Variants in DLGAP1 observed in about 807,000 individuals in gnomAD.
The protein encoded by DLGAP1 is disks large-associated protein 1.
A neutral mutation model predicts 90.8 loss-of-function variants in DLGAP1; 11 were observed. The observed-to-expected ratio is 0.12, with a 90% CI of 0.08 to 0.20. DLGAP1 has a LOEUF of 0.20. Ranked by LOEUF, DLGAP1 falls within the 10% of genes least tolerant of loss-of-function variation. The probability of loss-of-function intolerance (pLI) is 1.00; values close to 1 mark genes in which losing one functional copy is unlikely to be tolerated. For synonymous variants in DLGAP1, 558 were observed against 540.7 expected (o/e 1.03, Z -0.44); for missense variants, 1,050 against 1,333.8 (o/e 0.79, Z 3.31).
intron 1 of DLGAP1, among the ~76,000 whole-genome samples, chr18:4,333,435 C>T (rs997583476): frequency 6.6e-6 from 1 of 151,272 alleles, no homozygotes. Context: ...TCTCAGTGGC[C>T]AAAGCAACCC....
At chr18:4,067,159 A>G (rs1368489477) in intron 2 of DLGAP1, among the ~76,000 whole-genome samples, 1 of 151,862 alleles carries the variant, frequency 6.6e-6, no homozygotes, top group Non-Finnish European at 1.5e-5. Context: ...GGAACAACAG[A>G]CACTGGGCCT....
intron 1 of DLGAP1, among the ~76,000 whole-genome samples, chr18:4,382,089 T>C (rs116199912): frequency 0.017 from 2,655 of 152,120 alleles, 65 homozygotes; most frequent in African/African-American, 0.06. Flanking sequence ...TCCCACAACA[T>C]GTGGGAATTA....
chr18:3,888,107 CAAAAAAAAA>C (rs1164887393), intron 3 of DLGAP1, among the ~76,000 whole-genome samples: 936 of 49,378 alleles, frequency 0.019, 11 homozygotes, highest in Middle Eastern at 0.12. Context: ...GACTCCATCT[CAAAAAAAAA>C]AAAAAAAAAA....
intron 7 of DLGAP1, chr18:3,679,745 A>G (rs1169339809): frequency 6.6e-6 from 1 of 151,848 alleles, no homozygotes; most frequent in Non-Finnish European, 1.5e-5. Context: ...TTGAGACCAG[A>G]CTGGGCAATG....
At chr18:3,655,862 T>C (rs760606650) in intron 7 of DLGAP1, 33 of 473,468 alleles carry the variant, frequency 7.0e-5, no homozygotes, top group Non-Finnish European at 1.2e-4. Flanking sequence ...GAAACAGACA[T>C]GTTGGTGCTG....
intron 3 of DLGAP1, among the ~76,000 whole-genome samples, chr18:3,965,757 G>A (rs1401457864): frequency 6.6e-6 from 1 of 151,926 alleles, no homozygotes; most frequent in African/African-American, 2.4e-5. Context: ...AGACAAGCCT[G>A]GCTAACATGG....
chr18:3,907,351 G>A lies in DLGAP1; in HGVS notation c.-72-27211C>T, dbSNP rs373276097. On this transcript the variant is annotated intron_variant, in intron 3 of 12. Coordinates refer to ENST00000315677, the MANE Select transcript of DLGAP1 (RefSeq NM_004746.4). The stretch of plus-strand genomic sequence containing the variant: ...CTTGAACCTCAGTTTATAAAACAAC[G>A]TATAAATAATGACTGGTGCTACCAG... 8.5e-5 allele frequency among the ~76,000 whole-genome samples: 13 copies of A among 152,232 alleles called. No individual in the cohort carries two copies. In the East Asian group the frequency reaches 1.5e-3, roughly 18 times the overall value.
chr18:4,205,142 G>T (rs1007546558), intron 1 of DLGAP1, among the ~76,000 whole-genome samples: 3 of 152,156 alleles, frequency 2.0e-5, no homozygotes, highest in African/African-American at 7.2e-5. Flanking sequence ...GCCTGAGGAG[G>T]TAATAGGAAG....
At chr18:4,225,524 GCTT>G (rs1171780759) in intron 1 of DLGAP1, among the ~76,000 whole-genome samples, 1 of 152,006 alleles carries the variant, frequency 6.6e-6, no homozygotes, top group African/African-American at 2.4e-5. Flanking sequence ...ATTTAAAATA[GCTT>G]TTTTGAGGAA....
At chr18:3,589,384 T>C (rs1045718187) in intron 7 of DLGAP1, among the ~76,000 whole-genome samples, 3 of 152,176 alleles carry the variant, frequency 2.0e-5, no homozygotes, top group African/African-American at 7.2e-5. Flanking sequence ...ACTCCCTTTT[T>C]GTGCCTTTTT....
intron 3 of DLGAP1, among the ~76,000 whole-genome samples, chr18:3,957,666 ATTAT>A (rs1418421200): frequency 1.3e-5 from 2 of 152,156 alleles, no homozygotes; most frequent in Non-Finnish European, 2.9e-5. Flanking sequence ...TTATTACTTT[ATTAT>A]TTACTTACTA....
At chr18:4,139,669 T>C (rs2076464057) in intron 2 of DLGAP1, among the ~76,000 whole-genome samples, 1 of 152,024 alleles carries the variant, frequency 6.6e-6, no homozygotes, top group South Asian at 2.1e-4. Flanking sequence ...AATGTTTCTT[T>C]GTAGATTTTC....
chr18:4,135,112 A>G (rs772645606), intron 2 of DLGAP1, among the ~76,000 whole-genome samples: 2 of 152,200 alleles, frequency 1.3e-5, no homozygotes, highest in Non-Finnish European at 2.9e-5. Flanking sequence ...GGGCATTAAA[A>G]TATTACGGTT....
At chr18:4,269,518 T>G (rs970640253) in intron 1 of DLGAP1, among the ~76,000 whole-genome samples, 1 of 151,612 alleles carries the variant, frequency 6.6e-6, no homozygotes, top group East Asian at 2.0e-4. Flanking sequence ...CATGCGCGGC[T>G]AATTTTTGTG....
At chr18:4,292,262 T>C (rs980435698) in intron 1 of DLGAP1, among the ~76,000 whole-genome samples, 2 of 152,180 alleles carry the variant, frequency 1.3e-5, no homozygotes, top group African/African-American at 4.8e-5. Context: ...AATTCCACTT[T>C]ATCATTGTTT....
At chr18:3,673,483 C>T (rs1253200611) in intron 7 of DLGAP1, among the ~76,000 whole-genome samples, 6 of 152,196 alleles carry the variant, frequency 3.9e-5, no homozygotes, top group Non-Finnish European at 8.8e-5. Context: ...GAGAGCTATT[C>T]TAGTAAACAG....
intron 1 of DLGAP1, among the ~76,000 whole-genome samples, chr18:4,423,881 C>T (rs1163102778): frequency 2.7e-5 from 4 of 147,172 alleles, no homozygotes; most frequent in Admixed American, 6.8e-5. Context: ...AAGTCAGGCA[C>T]GTTGGCTCCC....
chr18:3,617,880 C>CA (rs2057935852), intron 7 of DLGAP1, among the ~76,000 whole-genome samples: 1 of 148,174 alleles, frequency 6.7e-6, no homozygotes, highest in Non-Finnish European at 1.5e-5. Context: ...ACTAAAAATA[C>CA]AAAAAAATTA....
chr18:3,604,366 T>A (rs1057446079), intron 7 of DLGAP1: 1 of 152,236 alleles, frequency 6.6e-6, no homozygotes, highest in Admixed American at 6.5e-5. Context: ...CTTCTTTTAA[T>A]AAAACTTGGA....
Sources: gnomAD v4.1 joint callset for allele counts (sites outside exome capture counted in the v4.1 genomes callset) on GRCh38, gnomAD v4.1.1 for gene constraint, MANE v1.5 for transcripts, NCBI Gene and HGNC (gene_info 2026-07-23, HGNC 2026-07-21) for gene names.